The following ADGRL3 variants were observed in gnomAD, a reference collection of about 807,000 sequenced individuals.
ADGRL3 encodes calcium-independent alpha-latrotoxin receptor 3.
Under a neutral mutation model 153.5 loss-of-function variants are expected in ADGRL3, and 62 were observed. The ratio of observed to expected loss-of-function variants is 0.40; its 90% CI spans 0.33 to 0.50. The LOEUF (loss-of-function observed/expected upper bound fraction) is 0.50, where lower values mean the gene tolerates loss of function less well. Among genes scored for constraint, ADGRL3 ranks in the 20% least tolerant of loss-of-function variants. The probability of loss-of-function intolerance (pLI) is 0.47; values close to 1 mark genes in which losing one functional copy is unlikely to be tolerated. For missense variants in ADGRL3, 1,641 were observed against 1,859.4 expected (o/e 0.88, Z 2.16); for synonymous variants, 710 against 672.5 (o/e 1.06, Z -0.86).
At chr4:62,069,400 G>GA (rs911455963) in intron 26 of ADGRL3, among the ~76,000 whole-genome samples, 8 of 150,876 alleles carry the variant, frequency 5.3e-5, no homozygotes, top group African/African-American at 7.3e-5. Context: ...GCTTATAGCA[G>GA]AAAAAAAAAT....
chr4:61,509,472 C>T (rs2098450996), intron 3 of ADGRL3, among the ~76,000 whole-genome samples: 1 of 152,076 alleles, frequency 6.6e-6, no homozygotes, highest in Non-Finnish European at 1.5e-5. Context: ...TTAGCTTCCA[C>T]TTATAAGTCT....
At chr4:61,488,826 A>G (rs1305190706) in intron 2 of ADGRL3, among the ~76,000 whole-genome samples, 2 of 152,024 alleles carry the variant, frequency 1.3e-5, no homozygotes, top group African/African-American at 4.8e-5. Context: ...TTACTGACAC[A>G]GATTGCTTAA....
At chr4:61,592,762 G>A (rs2098974689) in intron 5 of ADGRL3, among the ~76,000 whole-genome samples, 1 of 152,084 alleles carries the variant, frequency 6.6e-6, no homozygotes, top group African/African-American at 2.4e-5. Context: ...GTTACCATAT[G>A]CATTGTTCAG....
At chr4:61,582,392 T>A (rs1455678443) in intron 4 of ADGRL3, among the ~76,000 whole-genome samples, 1 of 151,974 alleles carries the variant, frequency 6.6e-6, no homozygotes, top group East Asian at 1.9e-4. Context: ...CCTGTCTCCA[T>A]GTGTTCTCAT....
intron 4 of ADGRL3, among the ~76,000 whole-genome samples, chr4:61,542,510 G>C (rs1291836101): frequency 6.6e-6 from 1 of 152,062 alleles, no homozygotes; most frequent in East Asian, 1.9e-4. Context: ...CCACTATGAA[G>C]GCTTGCATGT....
chr4:62,060,870 G>C (rs1739725219), intron 25 of ADGRL3, among the ~76,000 whole-genome samples: 1 of 151,784 alleles, frequency 6.6e-6, no homozygotes, highest in African/African-American at 2.4e-5. Flanking sequence ...AGAACATTTA[G>C]ATGTATATGT....
At chr4:62,022,745 C>T (rs751720157) in intron 21 of ADGRL3, among the ~76,000 whole-genome samples, 7 of 151,556 alleles carry the variant, frequency 4.6e-5, no homozygotes, top group Admixed American at 1.3e-4. Flanking sequence ...CTGTTTACAG[C>T]ATGGTTTATT....
chr4:61,770,402 G>A (rs990874934), intron 8 of ADGRL3, among the ~76,000 whole-genome samples: 1 of 152,090 alleles, frequency 6.6e-6, no homozygotes, highest in Non-Finnish European at 1.5e-5. Context: ...ATCACCCGCA[G>A]GTCCTAGAGA....
intron 20 of ADGRL3, among the ~76,000 whole-genome samples, chr4:61,996,807 A>T (rs2099123241): frequency 6.6e-6 from 1 of 152,196 alleles, no homozygotes; most frequent in Non-Finnish European, 1.5e-5. Context: ...ATTTAAAAGC[A>T]AAACTTTAAC....
intron 4 of ADGRL3, among the ~76,000 whole-genome samples, chr4:61,580,367 C>G (rs952637131): frequency 2.0e-5 from 3 of 151,944 alleles, no homozygotes; most frequent in Non-Finnish European, 4.4e-5. Context: ...AAACTAATAG[C>G]CTAAATGCTG....
At chr4:61,240,057 A>T (rs1357773106) in intron 1 of ADGRL3, among the ~76,000 whole-genome samples, 1 of 152,040 alleles carries the variant, frequency 6.6e-6, no homozygotes, top group African/African-American at 2.4e-5. Context: ...AAATAAACTT[A>T]TTGCTCGCAG....
intron 5 of ADGRL3, among the ~76,000 whole-genome samples, chr4:61,600,207 C>T (rs1300898705): frequency 6.9e-6 from 1 of 145,910 alleles, no homozygotes; most frequent in African/African-American, 2.5e-5. Context: ...ATTCAGGAGG[C>T]TGAGGCAGGA....
intron 2 of ADGRL3, among the ~76,000 whole-genome samples, chr4:61,460,338 C>T (rs990516803): frequency 1.4e-4 from 21 of 151,998 alleles, no homozygotes; most frequent in African/African-American, 4.8e-4. Flanking sequence ...CTTTCCCCAA[C>T]GTATATACAG....
intron 9 of ADGRL3, among the ~76,000 whole-genome samples, chr4:61,864,466 G>T (rs1160269718): frequency 6.6e-6 from 1 of 152,128 alleles, no homozygotes; most frequent in Non-Finnish European, 1.5e-5. Flanking sequence ...TCTTGCATTT[G>T]ATTCTGAACA....
intron 2 of ADGRL3, among the ~76,000 whole-genome samples, chr4:61,430,562 C>G (rs1361597370): frequency 6.6e-6 from 1 of 152,082 alleles, no homozygotes; most frequent in Admixed American, 6.5e-5. Flanking sequence ...TTTCATTCTT[C>G]TTTTAGCCAA....
chr4:61,748,256 T>C (rs1048252464), intron 8 of ADGRL3, among the ~76,000 whole-genome samples: 1 of 152,090 alleles, frequency 6.6e-6, no homozygotes, highest in Non-Finnish European at 1.5e-5. Flanking sequence ...GTAGGAAGAA[T>C]CAATATCATG....
At chr4:62,053,954 A>G (rs1038208822) in intron 25 of ADGRL3, among the ~76,000 whole-genome samples, 2 of 151,454 alleles carry the variant, frequency 1.3e-5, no homozygotes, top group Admixed American at 6.6e-5. Context: ...TTTGTTCTGC[A>G]TTTTGTTTTA....
intron 1 of ADGRL3, among the ~76,000 whole-genome samples, chr4:61,219,732 T>C (rs1048359376): frequency 6.6e-6 from 1 of 152,230 alleles, no homozygotes; most frequent in Non-Finnish European, 1.5e-5. Flanking sequence ...ATCATTGCTC[T>C]TTGTCATCTC....
intron 18 of ADGRL3, among the ~76,000 whole-genome samples, chr4:61,981,499 G>A (rs2150839728): frequency 6.7e-6 from 1 of 149,510 alleles, no homozygotes; most frequent in South Asian, 2.1e-4. Flanking sequence ...CCTACATTTA[G>A]TCATATCAAG....
Sources: allele counts gnomAD v4.1 joint callset (sites outside exome capture counted in the v4.1 genomes callset), GRCh38; gene constraint gnomAD v4.1.1; transcripts MANE v1.5; gene names NCBI Gene and HGNC (gene_info 2026-07-23, HGNC 2026-07-21).